Variants in MAST4 observed in about 807,000 individuals in gnomAD.
MAST4 encodes microtubule-associated serine/threonine-protein kinase 4.
MAST4 carries 89 observed loss-of-function variants against 162.7 expected under a neutral mutation model. The ratio of observed to expected loss-of-function variants is 0.55; its 90% CI spans 0.46 to 0.65. The LOEUF is 0.65. Among genes scored for constraint, MAST4 ranks in the 30% least tolerant of loss-of-function variants. MAST4 has a pLI of 0.00. For missense variants in MAST4, 3,153 were observed against 3,374.0 expected (o/e 0.93, Z 1.62); for synonymous variants, 1,479 against 1,361.1 (o/e 1.09, Z -1.91).
chr5:67,091,923 T>A (rs901117737), intron 6 of MAST4, among the ~76,000 whole-genome samples: 4 of 152,224 alleles, frequency 2.6e-5, no homozygotes, highest in African/African-American at 9.6e-5. Flanking sequence ...CTCCACACTC[T>A]TCAAAAAGTA....
At chr5:67,145,573 A>G (rs1770984131) in intron 23 of MAST4, among the ~76,000 whole-genome samples, 194 bp downstream of exon 23, 1 of 152,178 alleles carries the variant, frequency 6.6e-6, no homozygotes, top group Non-Finnish European at 1.5e-5. Flanking sequence ...ACCCCTCCTC[A>G]GTGCTCGGCC....
chr5:67,030,059 T>C (rs1224340577), intron 4 of MAST4, among the ~76,000 whole-genome samples: 1 of 152,178 alleles, frequency 6.6e-6, no homozygotes, highest in Non-Finnish European at 1.5e-5. Context: ...GTATTTCACA[T>C]GATTCCTTGT....
rs1287995800 is a variant in MAST4 at position 66,827,726 on chromosome 5, A to G, written c.642+38932A>G. Among the ~76,000 whole-genome samples, 3 of 152,230 alleles carry G rather than the reference A, an allele frequency of 2.0e-5. No homozygotes were observed. The East Asian group carries it at 5.8e-4, about 29-fold the overall frequency. On this transcript the variant is annotated intron_variant, in intron 3 of 28. Transcript: ENST00000403625. Reference sequence around the variant, plus strand: ...GTCTTCCTAACTTTCAAGAAAAATAATTATTCTAATGGATAGAGTGAAAGA... The same window carrying G: ...GTCTTCCTAACTTTCAAGAAAAATAGTTATTCTAATGGATAGAGTGAAAGA...
chr5:66,664,529 A>G (rs1747126305), intron 1 of MAST4, among the ~76,000 whole-genome samples: 1 of 148,788 alleles, frequency 6.7e-6, no homozygotes, highest in African/African-American at 2.5e-5. Flanking sequence ...AAGTGTAGCT[A>G]TCTAGTAGGC....
At chr5:66,900,703 A>G (rs906796623) in intron 4 of MAST4, among the ~76,000 whole-genome samples, 5 of 133,704 alleles carry the variant, frequency 3.7e-5, no homozygotes, top group African/African-American at 1.5e-4. Context: ...AAGTTAGTAG[A>G]TGGAGCACCT....
chr5:66,916,977 C>T (rs1764156900), intron 4 of MAST4: 2 of 717,780 alleles, frequency 2.8e-6, no homozygotes, highest in Non-Finnish European at 5.2e-6. Context: ...CTTTTTTCTC[C>T]TATAGGATAG....
At chr5:66,885,959 T>G (rs1310251288) in intron 3 of MAST4, among the ~76,000 whole-genome samples, 3 of 152,210 alleles carry the variant, frequency 2.0e-5, no homozygotes, top group Non-Finnish European at 4.4e-5. Flanking sequence ...GCTTTACATG[T>G]ATTATTTCAT....
chr5:66,760,723 G>A lies in MAST4; in HGVS notation c.517+861G>A, dbSNP rs114763840. ...CCATGTTGTTGCGTGTGTTAGTAGC[G>A]TATGTTTAACTTTATAAAATTAGGT... On this transcript the variant is annotated intron_variant, in intron 2 of 28. Transcript: ENST00000403625. 1.1e-3 allele frequency among the ~76,000 whole-genome samples: 162 copies of A among 152,234 alleles called. 2 individuals are homozygous for A. Among genetic ancestry groups the A allele is most frequent in the South Asian group, 8.7e-3 (42 of 4,824 alleles).
chr5:67,132,577 T>C (rs1769119930), intron 16 of MAST4, among the ~76,000 whole-genome samples: 1 of 152,112 alleles, frequency 6.6e-6, no homozygotes, highest in African/African-American at 2.4e-5. Context: ...AATTTTTTAG[T>C]AATTTTTAAT....
At chr5:66,814,786 G>T (rs1008157629) in intron 3 of MAST4, among the ~76,000 whole-genome samples, 2 of 152,180 alleles carry the variant, frequency 1.3e-5, no homozygotes, top group Non-Finnish European at 2.9e-5. Flanking sequence ...TTGCCAGGAA[G>T]AACTTTTTAA....
At chr5:66,841,646 C>T (rs535977575) in intron 3 of MAST4, among the ~76,000 whole-genome samples, 202 of 152,220 alleles carry the variant, frequency 1.3e-3, no homozygotes, top group Non-Finnish European at 2.5e-3. Context: ...GAGGGCCCCA[C>T]CTTCATAACC....
rs1353449736 is a variant in MAST4, at chr5:66,617,517, T to C, written c.363+20499T>C. On this transcript the variant is annotated intron_variant, in intron 1 of 28. Coordinates refer to ENST00000403625, the MANE Select transcript of MAST4 (RefSeq NM_001164664.2). ...TAAAAGTTTCTCATGAATGGACGTA[T>C]CAATTTATTAACAGTTACTTTTAAA... Among the ~76,000 whole-genome samples, 4 of 152,120 alleles carry C rather than the reference T, an allele frequency of 2.6e-5. No individual in the cohort carries two copies. In the South Asian group the frequency reaches 8.3e-4, roughly 31 times the overall value.
intron 4 of MAST4, among the ~76,000 whole-genome samples, chr5:67,026,721 C>T (rs1163008925): frequency 6.6e-6 from 1 of 152,098 alleles, no homozygotes; most frequent in East Asian, 1.9e-4. Context: ...AATTGTAAAT[C>T]ATAGCCCCTT....
At chr5:67,113,215 G>A (rs1766460000) in intron 11 of MAST4, among the ~76,000 whole-genome samples, 1 of 149,796 alleles carries the variant, frequency 6.7e-6, no homozygotes, top group Admixed American at 6.8e-5. Context: ...TAGGGGGGCT[G>A]AGGCAGGAGA....
At chr5:66,748,396 C>T (rs1051808457) in intron 1 of MAST4, among the ~76,000 whole-genome samples, 2 of 133,556 alleles carry the variant, frequency 1.5e-5, no homozygotes, top group African/African-American at 6.1e-5. Context: ...TTCCTTCTTT[C>T]CTTCCTTCTT....
intron 3 of MAST4, among the ~76,000 whole-genome samples, chr5:66,871,632 A>G (rs1036944912): frequency 6.6e-6 from 1 of 152,240 alleles, no homozygotes; most frequent in Non-Finnish European, 1.5e-5. Context: ...CGAAGCATTC[A>G]TGAAGCCTGT....
At position 67,110,147 on chromosome 5, in the gene MAST4, T is replaced by C; in HGVS notation, c.1406T>C (p.Val469Ala). Residue 469 changes from valine to alanine, a missense_variant, in exon 11 of 29, where the codon GTT becomes GCT. By Grantham distance (64) the Val-to-Ala change is moderately conservative (BLOSUM62 0). This residue lies in a region of MAST4 where 360 missense variants were observed against 450.0 expected (regional missense o/e 0.80). Transcript: ENST00000403625. The part of the protein sequence containing the change: ...SGELAFIKQL[V>A]RKILIVIARP... ...GAATTGGCATTTATTAAACAACTAGTTCGAAAGATCCTAATTGTTATTGCC... is the reference window on the plus strand; with the variant it reads ...GAATTGGCATTTATTAAACAACTAGCTCGAAAGATCCTAATTGTTATTGCC... 3 of 1,613,820 alleles carry C rather than the reference T, an allele frequency of 1.9e-6. No individual in the cohort carries two copies. Among genetic ancestry groups the C allele is most frequent in the Non-Finnish European group, 1.7e-6 (2 of 1,179,736 alleles).
Position 67,166,812 on chromosome 5 carries a change from A to C in MAST4, c.7633A>C (p.Ser2545Arg). ...HPDPNTMGGA[S>R]HRDRALSVTA... The stretch of plus-strand genomic sequence containing the variant: ...CGACCCAAACACCATGGGCGGGGCC[A>C]GCCACCGGGACAGGGCTCTCTCGGT... Residue 2545 changes from serine to arginine, a missense_variant, in exon 29 of 29, where the codon AGC becomes CGC. By Grantham distance (110) the Ser-to-Arg change is moderately radical (BLOSUM62 -1). Around this residue, in one of 7 missense-constraint regions of MAST4, gnomAD observed 1,644 missense variants for 1,495.0 expected, o/e 1.10. Transcript: ENST00000403625. 6.2e-7 allele frequency: 1 copy of C among 1,603,820 alleles called. No individual in the cohort carries two copies. Among genetic ancestry groups the C allele is most frequent in the South Asian group, 1.1e-5 (1 of 89,108 alleles).
At chr5:66,642,161 A>G (rs138380944) in intron 1 of MAST4, among the ~76,000 whole-genome samples, 111 of 152,256 alleles carry the variant, frequency 7.3e-4, no homozygotes, top group African/African-American at 2.4e-3. Flanking sequence ...AAAAAAATTG[A>G]ATCTAATTCT....
Sources: gnomAD v4.1 joint callset for allele counts (sites outside exome capture counted in the v4.1 genomes callset) on GRCh38, gnomAD v4.1.1 for gene constraint, gnomAD v4.1.1 regional missense constraint, MANE v1.5 for transcripts, NCBI Gene and HGNC (gene_info 2026-07-23, HGNC 2026-07-21) for gene names.